Variants in TNRC6A observed in about 807,000 individuals in gnomAD.
The protein encoded by TNRC6A is trinucleotide repeat containing adaptor 6A, also known as trinucleotide repeat-containing gene 6A protein.
A neutral mutation model predicts 221.2 loss-of-function variants in TNRC6A; 44 were observed. The observed-to-expected ratio is 0.20, with a 90% CI of 0.16 to 0.26. The LOEUF (loss-of-function observed/expected upper bound fraction) is 0.26, where lower values mean the gene tolerates loss of function less well. Ranked by LOEUF, TNRC6A falls within the 10% of genes least tolerant of loss-of-function variation. The pLI, the probability that TNRC6A is intolerant of heterozygous loss-of-function variation, is 1.00. For synonymous variants in TNRC6A, 847 were observed against 838.5 expected (o/e 1.01, Z -0.18); for missense variants, 2,199 against 2,404.4 (o/e 0.91, Z 1.79).
At chr16:24,624,342 A>G (rs1900847387) in intron 1 of TNRC6A, among the ~76,000 whole-genome samples, 1 of 152,218 alleles carries the variant, frequency 6.6e-6, no homozygotes, top group Non-Finnish European at 1.5e-5. Flanking sequence ...AGCATTATAC[A>G]GCAGAGGGCA....
chr16:24,742,156 G>A (rs1201043754), intron 2 of TNRC6A, among the ~76,000 whole-genome samples: 1 of 152,224 alleles, frequency 6.6e-6, no homozygotes, highest in Non-Finnish European at 1.5e-5. Context: ...CTTTTTACAT[G>A]CATCTGTTAA....
chr16:24,819,545 T>TTTTTCTTTA (rs1174161212), intron 21 of TNRC6A: 1 of 145,178 alleles, frequency 6.9e-6, no homozygotes, highest in African/African-American at 2.6e-5. Flanking sequence ...TTTTTTGTTT[T>TTTTTCTTTA]GCCATACAGG....
rs764133353 is a variant in TNRC6A at position 24,823,763 on chromosome 16, T to G, written c.5845T>G (p.Phe1949Val). The G allele has an allele frequency of 6.7e-6, 10 of 1,486,536 alleles. No individual in the cohort carries two copies. The allele number at this position is 1,486,536 out of a possible 1,614,324, so 92.1% of individuals were successfully genotyped here. A position where few individuals can be genotyped will look rare whatever the true frequency, so the allele number is the denominator to read the frequency against. Residue 1949 changes from phenylalanine (F) to valine (V), a missense_variant, in exon 25 of 25, where the codon TTT becomes GTT. This residue lies in a region of TNRC6A where 130 missense variants were observed against 121.7 expected (regional missense o/e 1.07). Transcript: ENST00000395799. This position sits in a 1 kb window ranked among gnomAD's most constrained non-coding sequence, Gnocchi z 4.3. ...GISSPSPINA[F>V]LSVDHLGGGG... ...TAGCAGCCCATCTCCCATTAACGCT[T>G]TTCTTTCTGTTGACCACCTGGGTGG...
At chr16:24,676,611 C>G (rs1273839884) in intron 2 of TNRC6A, among the ~76,000 whole-genome samples, 3 of 152,100 alleles carry the variant, frequency 2.0e-5, no homozygotes, top group Non-Finnish European at 4.4e-5. Context: ...CACGCCACCA[C>G]GCTTGGCTAA....
chr16:24,740,792 A>C (rs922953971), intron 2 of TNRC6A, among the ~76,000 whole-genome samples: 2 of 152,158 alleles, frequency 1.3e-5, no homozygotes, highest in African/African-American at 4.8e-5. Flanking sequence ...TACCCGTTAA[A>C]TCATAACTCC....
Position 24,818,573 on chromosome 16 carries a change from TG to T in TNRC6A, c.4973-18del, listed in dbSNP as rs1169147252. ...CACGTCCCTTGCTCTGGTGGCTGAT[TG>T]GACTCTTCCCCCACACAGGGTCATC... On this transcript the variant is annotated intron_variant, in intron 20 of 24. Transcript: ENST00000395799. The T allele has an allele frequency of 6.2e-7, 1 of 1,603,400 alleles. No homozygotes were observed. Among genetic ancestry groups the T allele is most frequent in the East Asian group, 2.2e-5 (1 of 44,818 alleles).
chr16:24,729,726 C>T lies in TNRC6A; in HGVS notation c.-116C>T, dbSNP rs1202557587. ...GGCGGCGGCGGCGGCGGCAGCGGGT[C>T]GGTGTAGAAAATGGCGCTGGTGCAG... On this transcript the variant is annotated 5_prime_UTR_variant, in exon 1 of 25. Transcript: ENST00000395799. 1.4e-5 allele frequency: 15 copies of T among 1,104,676 alleles called. No individual in the cohort carries two copies. In the South Asian group the frequency reaches 2.4e-4, roughly 18 times the overall value. The allele number at this position is 1,104,676 out of a possible 1,614,324, so 68.4% of individuals were successfully genotyped here. A position where few individuals can be genotyped will look rare whatever the true frequency, so the allele number is the denominator to read the frequency against.
intron 2 of TNRC6A, among the ~76,000 whole-genome samples, chr16:24,643,065 A>G (rs993518068): frequency 1.0e-4 from 14 of 139,518 alleles, no homozygotes; most frequent in African/African-American, 3.7e-4. Context: ...TATAACATAT[A>G]TATTATATAT....
intron 4 of TNRC6A, among the ~76,000 whole-genome samples, chr16:24,770,176 TGAAA>T (rs1475340503): frequency 2.0e-5 from 3 of 152,078 alleles, no homozygotes; most frequent in Non-Finnish European, 2.9e-5. Flanking sequence ...AGAAATAGCG[TGAAA>T]GAACGTGATA....
chr16:24,811,378 C>G (rs562674244), intron 18 of TNRC6A, among the ~76,000 whole-genome samples: 14 of 152,232 alleles, frequency 9.2e-5, no homozygotes, highest in Non-Finnish European at 1.5e-4. Context: ...TTATAAAATC[C>G]CTTCATCTCA....
chr16:24,733,833 G>A (rs1462802271), intron 2 of TNRC6A, among the ~76,000 whole-genome samples: 1 of 152,192 alleles, frequency 6.6e-6, no homozygotes, highest in Non-Finnish European at 1.5e-5. Context: ...GAGAAAACTA[G>A]CGATCTAGGC....
At chr16:24,816,419 T>TAAA (rs1462882538) in intron 19 of TNRC6A, 2 of 159,504 alleles carry the variant, frequency 1.3e-5, no homozygotes, top group Admixed American at 1.2e-4. Context: ...AGGTGGGAGA[T>TAAA]CACTTGAGTC....
At chr16:24,625,737 CAAAA>C (rs749882396) in intron 1 of TNRC6A, among the ~76,000 whole-genome samples, 8 of 24,028 alleles carry the variant, frequency 3.3e-4, no homozygotes, top group African/African-American at 8.9e-4. Context: ...CGTCTCAAAA[CAAAA>C]AAAAAAAAAA....
intron 5 of TNRC6A, among the ~76,000 whole-genome samples, chr16:24,786,489 AT>A (rs1305627321): frequency 6.6e-6 from 1 of 151,218 alleles, no homozygotes; most frequent in Non-Finnish European, 1.5e-5. Context: ...CGCCCAGCTA[AT>A]TTTTTTGTAG....
chr16:24,798,092 C>T (rs142479611), intron 11 of TNRC6A, 126 bp downstream of exon 11: 13 of 694,342 alleles, frequency 1.9e-5, no homozygotes, highest in Middle Eastern at 2.8e-4. Context: ...TAGACGTACA[C>T]ATGCTGTGGT....
chr16:24,795,850 A>G, intron 8 of TNRC6A, 57 bp from the exon 9 acceptor site: 2 of 1,480,632 alleles, frequency 1.4e-6, no homozygotes, highest in Non-Finnish European at 1.8e-6. Flanking sequence ...TCCAGTTCCA[A>G]ACCCCATGTT....
intron 14 of TNRC6A, 56 bp from the exon 15 acceptor site, chr16:24,805,549 T>A (rs1204388526): frequency 1.9e-5 from 30 of 1,602,172 alleles, no homozygotes; most frequent in Non-Finnish European, 2.6e-5. Flanking sequence ...ACACAGTACG[T>A]GTAGTTAGTG....
At chr16:24,696,234 G>A (rs1008906756) in intron 2 of TNRC6A, among the ~76,000 whole-genome samples, 1 of 151,652 alleles carries the variant, frequency 6.6e-6, no homozygotes, top group African/African-American at 2.4e-5. Context: ...TGTAGTCCCA[G>A]CTACTCGGGA....
At chr16:24,616,644 T>C (rs1900365290) in intron 1 of TNRC6A, among the ~76,000 whole-genome samples, 1 of 152,144 alleles carries the variant, frequency 6.6e-6, no homozygotes, top group Admixed American at 6.5e-5. Context: ...GAAAATAATG[T>C]GTATGGCCAG....
Sources: allele counts gnomAD v4.1 joint callset (sites outside exome capture counted in the v4.1 genomes callset), GRCh38; gene constraint gnomAD v4.1.1; regional missense constraint gnomAD v4.1.1; non-coding constraint Gnocchi (gnomAD v3.1); transcripts MANE v1.5; gene names NCBI Gene and HGNC (gene_info 2026-07-23, HGNC 2026-07-21).